Variants in TENM1 observed in about 807,000 individuals in gnomAD.
The protein encoded by TENM1 is teneurin-1.
TENM1 carries 35 observed loss-of-function variants against 174.8 expected under a neutral mutation model. The ratio of observed to expected loss-of-function variants is 0.20; its 90% CI spans 0.15 to 0.27. The LOEUF is 0.27. TENM1 is among the 10% of genes least tolerant of loss of function. The pLI is 1.00. For missense variants in TENM1, 1,633 were observed against 2,130.1 expected (o/e 0.77, Z 4.59); for synonymous variants, 781 against 798.7 (o/e 0.98, Z 0.37).
intron 22 of TENM1, among the ~76,000 whole-genome samples, chrX:124,455,513 C>T (rs191900236): frequency 1.8e-5 from 2 of 111,300 alleles, no homozygotes; most frequent in Admixed American, 9.6e-5. Context: ...TATTAAATAT[C>T]GCTGAGTATA....
At chrX:125,009,691 AGTC>A in the TENM1 span, among the ~76,000 whole-genome samples, 2 of 112,165 alleles carry the variant, frequency 1.8e-5, no homozygotes, top group Non-Finnish European at 3.8e-5. Flanking sequence ...AACACTATCA[AGTC>A]AGCTTCATCC....
intron 3 of TENM1, among the ~76,000 whole-genome samples, chrX:124,849,879 A>G (rs2056685581): frequency 8.9e-6 from 1 of 112,134 alleles, no homozygotes; most frequent in East Asian, 2.8e-4. Context: ...TTTGTTTACT[A>G]CTTTCTGATA....
the TENM1 span, among the ~76,000 whole-genome samples, chrX:125,144,937 G>A: frequency 0.037 from 4,047 of 108,978 alleles, 185 homozygotes; most frequent in African/African-American, 0.13. Context: ...TAGTAGAGAC[G>A]GGGTTTCACT....
intron 19 of TENM1, among the ~76,000 whole-genome samples, chrX:124,502,372 A>G (rs2047352165): frequency 1.8e-5 from 2 of 112,347 alleles, no homozygotes; most frequent in African/African-American, 3.2e-5. Flanking sequence ...GTAAGAGGAT[A>G]CAAGACTGGG....
intron 5 of TENM1, among the ~76,000 whole-genome samples, chrX:124,695,921 C>T (rs1398329095): frequency 9.0e-6 from 1 of 111,718 alleles, no homozygotes; most frequent in African/African-American, 3.2e-5. Context: ...TATATAATGG[C>T]AGAATTTGTT....
chrX:124,864,403 G>C (rs934099785), intron 3 of TENM1, among the ~76,000 whole-genome samples: 3 of 111,730 alleles, frequency 2.7e-5, no homozygotes, highest in African/African-American at 9.8e-5. Context: ...AAAGAGATTG[G>C]AATAATTCAA....
At chrX:124,410,876 G>T (rs2072716861) in intron 25 of TENM1, among the ~76,000 whole-genome samples, 2 of 111,948 alleles carry the variant, frequency 1.8e-5, no homozygotes. Context: ...GTGGATGCAG[G>T]TTCCACATGG....
intron 23 of TENM1, among the ~76,000 whole-genome samples, chrX:124,452,940 A>G (rs904245110): frequency 1.8e-5 from 2 of 109,937 alleles, no homozygotes; most frequent in African/African-American, 3.3e-5. Context: ...CAGCACACCA[A>G]CATGGCACAT....
chrX:124,822,871 A>G (rs1037907986), intron 3 of TENM1, among the ~76,000 whole-genome samples: 1 of 112,189 alleles, frequency 8.9e-6, no homozygotes, highest in Non-Finnish European at 1.9e-5. Flanking sequence ...AGAATCGGTA[A>G]CAGGTTGAAT....
intron 4 of TENM1, among the ~76,000 whole-genome samples, chrX:124,723,841 C>T (rs962199191): frequency 6.3e-5 from 7 of 110,562 alleles, no homozygotes; most frequent in Non-Finnish European, 1.1e-4. Flanking sequence ...CCTTGTGATC[C>T]GCCCGCCTCA....
At chrX:125,041,477 T>C in the TENM1 span, among the ~76,000 whole-genome samples, 3 of 111,407 alleles carry the variant, frequency 2.7e-5, no homozygotes, top group Non-Finnish European at 3.8e-5. Flanking sequence ...ATTTTCCTCA[T>C]TGAACTTTCA....
chrX:124,397,580 C>A (rs2060349859), intron 27 of TENM1, among the ~76,000 whole-genome samples: 1 of 111,159 alleles, frequency 9.0e-6, no homozygotes, highest in African/African-American at 3.3e-5. Flanking sequence ...TTTGGAAGAT[C>A]CTGCATTTAA....
intron 3 of TENM1, among the ~76,000 whole-genome samples, chrX:124,754,945 T>A (rs1301824201): frequency 9.5e-6 from 1 of 105,716 alleles, no homozygotes; most frequent in Non-Finnish European, 1.9e-5. Flanking sequence ...GGTGTGGTGC[T>A]GAACAAAATG....
At position 124,878,494 on chromosome X, in the gene TENM1, C is replaced by T. The variant is rs111331315; in HGVS notation, c.535+15802G>A. 1.5e-3 allele frequency among the ~76,000 whole-genome samples: 167 copies of T among 108,701 alleles called. 1 individual carries two copies. The highest frequency in any genetic ancestry group is 5.4e-3 in the African/African-American group (162 of 29,780). 94.4% of individuals were successfully genotyped at this position (108,701 alleles called of 115,157 possible). ...GGATCTCTCACGAATGGCTTGGTGC[C>T]CTCCCGGTGGTCATGAGTTCACATG... On this transcript the variant is annotated intron_variant, in intron 3 of 31. Coordinates refer to ENST00000422452, the Ensembl canonical transcript of TENM1.
intron 11 of TENM1, among the ~76,000 whole-genome samples, chrX:124,625,676 G>A (rs1602832167): frequency 9.0e-6 from 1 of 110,783 alleles, no homozygotes; most frequent in South Asian, 3.9e-4. Flanking sequence ...AAGGCAAAGG[G>A]GGAGGAAGGT....
chrX:125,200,952 C>T, the TENM1 span, among the ~76,000 whole-genome samples: 1 of 111,567 alleles, frequency 9.0e-6, no homozygotes, highest in Non-Finnish European at 1.9e-5. Flanking sequence ...CTCCAAATGT[C>T]TATCTCTAAC....
chrX:125,036,919 AG>A, the TENM1 span, among the ~76,000 whole-genome samples: 1 of 111,746 alleles, frequency 8.9e-6, no homozygotes, highest in Non-Finnish European at 1.9e-5. Context: ...AAGTAGTCAA[AG>A]GAAGAGCTTA....
At chrX:125,185,717 C>T in the TENM1 span, among the ~76,000 whole-genome samples, 6 of 111,782 alleles carry the variant, frequency 5.4e-5, no homozygotes, top group Admixed American at 1.9e-4. Context: ...TTCCTGTAAA[C>T]AAATTAGGCC....
At chrX:124,968,133 GT>G (rs2058749161), upstream of TENM1, among the ~76,000 whole-genome samples, 1 of 111,577 alleles carries the variant, frequency 9.0e-6, no homozygotes, top group African/African-American at 3.3e-5. Flanking sequence ...AACGTGCTTA[GT>G]TTTTCTGTTA....
Sources: gnomAD v4.1 joint callset for allele counts (sites outside exome capture counted in the v4.1 genomes callset) on GRCh38, gnomAD v4.1.1 for gene constraint, MANE v1.5 for transcripts, NCBI Gene and HGNC (gene_info 2026-07-23, HGNC 2026-07-21) for gene names.